FOXP2: variants seen among roughly 807,000 people sequenced by gnomAD.
FOXP2 encodes forkhead box P2.
In FOXP2, 12 loss-of-function variants were observed where a neutral mutation model predicts 115.8. The observed-to-expected ratio is 0.10, with a 90% CI of 0.07 to 0.17. The LOEUF (loss-of-function observed/expected upper bound fraction) is 0.17, where lower values mean the gene tolerates loss of function less well. Among genes scored for constraint, FOXP2 ranks in the 10% least tolerant of loss-of-function variants. The pLI, the probability that FOXP2 is intolerant of heterozygous loss-of-function variation, is 1.00. For missense variants in FOXP2, 629 were observed against 843.5 expected (o/e 0.75, Z 3.15); for synonymous variants, 328 against 297.7 (o/e 1.10, Z -1.05).
At chr7:114,341,720 T>G (rs1791221514) in intron 2 of FOXP2, among the ~76,000 whole-genome samples, 1 of 151,328 alleles carries the variant, frequency 6.6e-6, no homozygotes, top group Non-Finnish European at 1.5e-5. Context: ...CTTCCTAACC[T>G]AAAGAAAGAT....
rs566662148 is a variant in FOXP2, at chr7:114,576,571, G to T, written c.258+41865G>T. On this transcript the variant is annotated intron_variant, in intron 3 of 16. Transcript: ENST00000350908. ...GGCTGATGAAAGGATTATTTATTTA[G>T]TCAGTGGTTTTGTTGTTGTTAATAT... is the stretch of plus-strand genomic sequence containing the variant. Among the ~76,000 whole-genome samples the T allele has an allele frequency of 2.0e-5, 3 of 151,984 alleles. No individual in the cohort carries two copies. The South Asian group carries it at 6.2e-4, about 31-fold the overall frequency.
intron 16 of FOXP2, among the ~76,000 whole-genome samples, chr7:114,686,017 A>G (rs1808343569): frequency 1.3e-5 from 2 of 151,974 alleles, no homozygotes; most frequent in East Asian, 1.9e-4. Flanking sequence ...TCTTCACCAT[A>G]TAACACTAGT....
intron 2 of FOXP2, among the ~76,000 whole-genome samples, chr7:114,504,987 A>G (rs547662743): frequency 1.8e-4 from 28 of 151,736 alleles, no homozygotes; most frequent in African/African-American, 6.7e-4. Flanking sequence ...TTAAAAAATT[A>G]CTGATTTGTT....
At chr7:114,629,426 A>G (rs1291456998) in intron 4 of FOXP2, among the ~76,000 whole-genome samples, 2 of 152,186 alleles carry the variant, frequency 1.3e-5, no homozygotes, top group African/African-American at 4.8e-5. Flanking sequence ...AGTTTTTTCC[A>G]ATAAGAATTG....
chr7:114,423,975 G>A (rs1163442656), intron 1 of FOXP2, among the ~76,000 whole-genome samples: 3 of 151,360 alleles, frequency 2.0e-5, no homozygotes, highest in East Asian at 3.9e-4. Context: ...TACTATCACT[G>A]TTATAGTTTT....
At chr7:114,367,497 C>T (rs1271517073) in intron 2 of FOXP2, among the ~76,000 whole-genome samples, 1 of 152,018 alleles carries the variant, frequency 6.6e-6, no homozygotes, top group Non-Finnish European at 1.5e-5. Context: ...CATAATTTGC[C>T]AGTATAAGTA....
At chr7:114,505,921 T>G (rs983547206) in intron 2 of FOXP2, among the ~76,000 whole-genome samples, 1 of 151,694 alleles carries the variant, frequency 6.6e-6, no homozygotes, top group African/African-American at 2.4e-5. Flanking sequence ...TACTTTTTTG[T>G]AGCGTACTGT....
chr7:114,527,309 G>A (rs559070048), intron 2 of FOXP2, among the ~76,000 whole-genome samples: 2 of 151,888 alleles, frequency 1.3e-5, no homozygotes, highest in South Asian at 2.1e-4. Context: ...TTTCTCTTGG[G>A]TATATATTGT....
intron 1 of FOXP2, among the ~76,000 whole-genome samples, chr7:114,416,899 CT>C (rs903102853): frequency 8.3e-4 from 123 of 148,426 alleles, no homozygotes; most frequent in African/African-American, 2.6e-3. Flanking sequence ...ACTTGTTTGA[CT>C]TTTTTTTTTA....
intron 1 of FOXP2, among the ~76,000 whole-genome samples, chr7:114,102,080 G>T (rs1462427928): frequency 5.3e-5 from 8 of 151,516 alleles, no homozygotes; most frequent in Non-Finnish European, 1.2e-4. Flanking sequence ...TAAATTTTTT[G>T]TTTTTTGGTC....
At chr7:114,681,637 T>A (rs1808086277) in intron 16 of FOXP2, among the ~76,000 whole-genome samples, 2 of 152,224 alleles carry the variant, frequency 1.3e-5, no homozygotes, top group Non-Finnish European at 2.9e-5. Context: ...TCTATTGATC[T>A]GAAAGTGATC....
At position 114,693,576 on chromosome 7, in the gene FOXP2, A is replaced by G. The variant is rs1428759723; in HGVS notation, c.*3650A>G. ...TATTTCACTAGTTCAGGTTGCAACG[A>G]AAGGTTTTTTTGTCCATGAACACTT... On this transcript the variant is annotated 3_prime_UTR_variant, in exon 17 of 17. Coordinates refer to ENST00000350908, the MANE Select transcript of FOXP2 (RefSeq NM_014491.4). The G allele has an allele frequency of 4.4e-6, 2 of 453,156 alleles. No individual in the cohort carries two copies. The highest frequency in any genetic ancestry group is 2.0e-5 in the African/African-American group (1 of 49,940). 28.1% of individuals were successfully genotyped at this position (453,156 alleles called of 1,614,324 possible).
intron 2 of FOXP2, among the ~76,000 whole-genome samples, chr7:114,464,742 G>A (rs1795731177): frequency 6.6e-6 from 1 of 152,164 alleles, no homozygotes; most frequent in African/African-American, 2.4e-5. Flanking sequence ...AATATTCATG[G>A]CTATATGGTA....
At chr7:114,120,519 C>T (rs1035232359) in intron 1 of FOXP2, among the ~76,000 whole-genome samples, 8 of 151,956 alleles carry the variant, frequency 5.3e-5, no homozygotes, top group Non-Finnish European at 1.0e-4. Flanking sequence ...CACAGTAATC[C>T]ATGTGAGCAA....
chr7:114,545,847 G>A (rs1015765696), intron 3 of FOXP2, among the ~76,000 whole-genome samples: 2 of 151,964 alleles, frequency 1.3e-5, no homozygotes, highest in African/African-American at 4.8e-5. Flanking sequence ...CAACTACTTG[G>A]TGAAGTCTCC....
intron 1 of FOXP2, among the ~76,000 whole-genome samples, chr7:114,421,551 TTAAA>T (rs1793622023): frequency 6.6e-6 from 1 of 151,678 alleles, no homozygotes; most frequent in Non-Finnish European, 1.5e-5. Context: ...GGCATTTTGT[TTAAA>T]TAAGTAAAAA....
At position 114,692,523 on chromosome 7, in the gene FOXP2, G is replaced by C. The variant is rs774935156; in HGVS notation, c.*2597G>C. The C allele has an allele frequency of 3.3e-5, 15 of 453,818 alleles. No individual in the cohort carries two copies. Among genetic ancestry groups the C allele is most frequent in the Non-Finnish European group, 5.7e-5 (13 of 226,640 alleles). 28.1% of individuals were successfully genotyped at this position (453,818 alleles called of 1,614,324 possible). A position where few individuals can be genotyped will look rare whatever the true frequency, so the allele number is the denominator to read the frequency against. Reference sequence around the variant, plus strand: ...CCATAAATGACCAGACTTTTTCTAAGAAAAATGTTGCTTTAATGCATTTCA... The same window carrying C: ...CCATAAATGACCAGACTTTTTCTAACAAAAATGTTGCTTTAATGCATTTCA... On this transcript the variant is annotated 3_prime_UTR_variant, in exon 17 of 17. Coordinates refer to ENST00000350908, the MANE Select transcript of FOXP2 (RefSeq NM_014491.4).
At position 114,406,347 on chromosome 7, in the gene FOXP2, A is replaced by G. The variant is rs182864798; in HGVS notation, c.-10-20155A>G. ...GTTTATAGTCTTGAGAATAAGTTACAGTTATTTTAACATTAGCTCAACTCA... is the reference window on the plus strand; with the variant it reads ...GTTTATAGTCTTGAGAATAAGTTACGGTTATTTTAACATTAGCTCAACTCA... On this transcript the variant is annotated intron_variant, in intron 2 of 17. Coordinates refer to the FOXP2 transcript ENST00000634411. 2.0e-4 allele frequency among the ~76,000 whole-genome samples: 30 copies of G among 152,094 alleles called. No individual in the cohort carries two copies. The East Asian group carries it at 4.8e-3, about 24-fold the overall frequency.
intron 1 of FOXP2, among the ~76,000 whole-genome samples, chr7:114,148,400 C>A (rs553878098): frequency 2.6e-5 from 4 of 152,042 alleles, no homozygotes; most frequent in Non-Finnish European, 5.9e-5. Context: ...ATTTTTCCAA[C>A]GTTTGGCTGT....
Sources: gnomAD v4.1 joint callset for allele counts (sites outside exome capture counted in the v4.1 genomes callset) on GRCh38, gnomAD v4.1.1 for gene constraint, MANE v1.5 for transcripts, NCBI Gene and HGNC (gene_info 2026-07-23, HGNC 2026-07-21) for gene names.